The following VKORC1L1 variants were observed in gnomAD, a reference collection of about 807,000 sequenced individuals.
VKORC1L1 encodes vitamin K epoxide reductase complex subunit 1L1, also known as vitamin K epoxide reductase complex subunit 1-like protein 1.
VKORC1L1 carries 2 observed loss-of-function variants against 18.9 expected under a neutral mutation model. The ratio of observed to expected loss-of-function variants is 0.11; its 90% CI spans 0.04 to 0.33. The LOEUF is 0.33. Ranked by LOEUF, VKORC1L1 falls within the 10% of genes least tolerant of loss-of-function variation. VKORC1L1 has a pLI of 1.00. For synonymous variants in VKORC1L1, 96 were observed against 100.0 expected (o/e 0.96, Z 0.24); for missense variants, 123 against 224.1 (o/e 0.55, Z 2.88).
At chr7:65,893,566 A>C (rs1057054508) in intron 1 of VKORC1L1, among the ~76,000 whole-genome samples, 1 of 151,140 alleles carries the variant, frequency 6.6e-6, no homozygotes, top group African/African-American at 2.4e-5. Flanking sequence ...TAAATAAATA[A>C]ATTTCCTGTT....
chr7:65,899,217 C>G (rs1227512470), intron 1 of VKORC1L1, among the ~76,000 whole-genome samples: 1 of 152,122 alleles, frequency 6.6e-6, no homozygotes, highest in Non-Finnish European at 1.5e-5. Flanking sequence ...TGGGTGCCAC[C>G]CAAAATGCAG....
chr7:65,935,605 G>C (rs1789930287), intron 1 of VKORC1L1, among the ~76,000 whole-genome samples: 1 of 152,086 alleles, frequency 6.6e-6, no homozygotes, highest in African/African-American at 2.4e-5. Context: ...CACTGCACCT[G>C]GCCCCCTTCA....
intron 1 of VKORC1L1, among the ~76,000 whole-genome samples, chr7:65,881,978 G>A (rs1313736096): frequency 6.6e-6 from 1 of 152,006 alleles, no homozygotes; most frequent in Non-Finnish European, 1.5e-5. Context: ...TACCTGGGAG[G>A]CTGAGGCAGG....
chr7:65,868,258 C>T (rs1034448522), upstream of VKORC1L1, among the ~76,000 whole-genome samples: 2 of 151,834 alleles, frequency 1.3e-5, no homozygotes, highest in Non-Finnish European at 2.9e-5. Flanking sequence ...AGTTCGAGAC[C>T]AGCCTCGGCA....
rs1790321953 is a variant in VKORC1L1, at chr7:65,957,721, C to T, written c.*3421C>T. 1 of 151,416 alleles carries T rather than the reference C, an allele frequency of 6.6e-6. No individual in the cohort carries two copies. Among genetic ancestry groups the T allele is most frequent in the Non-Finnish European group, 1.5e-5 (1 of 67,896 alleles). The allele number at this position is 151,416 out of a possible 1,614,324, so 9.4% of individuals were successfully genotyped here. On this transcript the variant is annotated 3_prime_UTR_variant, in exon 3 of 3. Coordinates refer to ENST00000360768, the MANE Select transcript of VKORC1L1 (RefSeq NM_173517.6). ...GGTGGCGGCACCTGTAATGCCAGCT[C>T]CTCCAGAGGCTGAGGCAGGAGAATT...
chr7:65,908,394 C>T (rs1028406267), intron 1 of VKORC1L1, among the ~76,000 whole-genome samples: 2 of 152,080 alleles, frequency 1.3e-5, no homozygotes, highest in Non-Finnish European at 2.9e-5. Flanking sequence ...GCTTGGGTGA[C>T]AGAGCAAGAC....
rs537866241 is a variant in VKORC1L1, at chr7:65,938,802, G to A, written c.195-9869G>A. Among the ~76,000 whole-genome samples the A allele has an allele frequency of 4.6e-5, 7 of 152,322 alleles. No individual in the cohort carries two copies. In the South Asian group the frequency reaches 8.3e-4, roughly 18 times the overall value. ...ACAGCTGTGGAAGCCTTGAAACAGC[G>A]AAGCCTTGAAACAGCCGAGTCCGGG... On this transcript the variant is annotated intron_variant, in intron 1 of 2. Coordinates refer to ENST00000360768, the MANE Select transcript of VKORC1L1 (RefSeq NM_173517.6).
chr7:65,888,903 G>A (rs1442728916), intron 1 of VKORC1L1, among the ~76,000 whole-genome samples: 2 of 152,092 alleles, frequency 1.3e-5, no homozygotes, highest in East Asian at 1.9e-4. Context: ...GTTGTTGCTT[G>A]TGTCAAGTCA....
At chr7:65,941,568 A>G (rs190052958) in intron 1 of VKORC1L1, among the ~76,000 whole-genome samples, 42 of 152,102 alleles carry the variant, frequency 2.8e-4, no homozygotes, top group Admixed American at 6.5e-5. Context: ...TATTTTTTAG[A>G]AAGACCCCAG....
chr7:65,906,927 CTG>C (rs890959982), intron 1 of VKORC1L1, among the ~76,000 whole-genome samples: 17 of 152,140 alleles, frequency 1.1e-4, no homozygotes, highest in Non-Finnish European at 2.1e-4. Flanking sequence ...TGAACTTGTA[CTG>C]GTGCTAATTA....
intron 1 of VKORC1L1, among the ~76,000 whole-genome samples, chr7:65,937,361 T>TAA (rs1247060311): frequency 3.3e-5 from 5 of 152,262 alleles, no homozygotes; most frequent in Non-Finnish European, 7.3e-5. Flanking sequence ...TATTCCATTT[T>TAA]ATCCAGCACT....
At chr7:65,879,861 T>C (rs575544322) in intron 1 of VKORC1L1, among the ~76,000 whole-genome samples, 1 of 151,836 alleles carries the variant, frequency 6.6e-6, no homozygotes, top group Non-Finnish European at 1.5e-5. Context: ...CTTTCTTCTT[T>C]AACTTTTTGA....
intron 1 of VKORC1L1, among the ~76,000 whole-genome samples, chr7:65,880,509 G>T (rs4507648): frequency 5.3e-5 from 8 of 152,094 alleles, no homozygotes; most frequent in Admixed American, 5.2e-4. Flanking sequence ...GCACATGGAG[G>T]GAGGGGGAGG....
chr7:65,887,096 A>G (rs1158665032), intron 1 of VKORC1L1, among the ~76,000 whole-genome samples: 1 of 151,074 alleles, frequency 6.6e-6, no homozygotes, highest in Admixed American at 6.6e-5. Context: ...TGATCTGCCC[A>G]CCTCAGCCTC....
chr7:65,947,628 T>G (rs933312554), intron 1 of VKORC1L1, among the ~76,000 whole-genome samples: 3 of 152,182 alleles, frequency 2.0e-5, no homozygotes, highest in African/African-American at 7.2e-5. Flanking sequence ...GGGCATATAA[T>G]GTATCCAGTT....
At chr7:65,882,348 C>T (rs186273420) in intron 1 of VKORC1L1, among the ~76,000 whole-genome samples, 106 of 150,278 alleles carry the variant, frequency 7.1e-4, no homozygotes, top group African/African-American at 2.5e-3. Context: ...CATTGCACTC[C>T]AGCCTGGGCA....
chr7:65,932,397 T>A (rs545663979), intron 1 of VKORC1L1, among the ~76,000 whole-genome samples: 1 of 152,268 alleles, frequency 6.6e-6, no homozygotes, highest in South Asian at 2.1e-4. Flanking sequence ...ACACCTGGCC[T>A]GTTCTTTTTG....
At chr7:65,918,436 A>T (rs559365855) in intron 1 of VKORC1L1, among the ~76,000 whole-genome samples, 1 of 152,382 alleles carries the variant, frequency 6.6e-6, no homozygotes, top group Non-Finnish European at 1.5e-5. Flanking sequence ...CATAATGCTG[A>T]CATGAAACTC....
chr7:65,922,076 G>A (rs532705189), intron 1 of VKORC1L1, among the ~76,000 whole-genome samples: 2 of 152,154 alleles, frequency 1.3e-5, no homozygotes, highest in South Asian at 2.1e-4. Context: ...CTGTCAGTGC[G>A]TGGACCTTTG....
Sources: gnomAD v4.1 joint callset for allele counts (sites outside exome capture counted in the v4.1 genomes callset) on GRCh38, gnomAD v4.1.1 for gene constraint, MANE v1.5 for transcripts, NCBI Gene and HGNC (gene_info 2026-07-23, HGNC 2026-07-21) for gene names.